CHD2: variants seen among roughly 807,000 people sequenced by gnomAD.
CHD2 encodes ATP-dependent chromatin remodeler CHD2.
In CHD2, 28 loss-of-function variants were observed where a neutral mutation model predicts 243.9. The observed-to-expected ratio is 0.11, with a 90% CI of 0.09 to 0.16. CHD2 has a LOEUF of 0.16. Among genes scored for constraint, CHD2 ranks in the 10% least tolerant of loss-of-function variants. The pLI is 1.00. For synonymous variants in CHD2, 775 were observed against 779.0 expected, an observed-to-expected ratio of 0.99 and a Z score of 0.09; for missense variants, 1,386 against 2,209.8, an observed-to-expected ratio of 0.63 and a Z score of 7.47.
At chr15:92,914,872 A>G (rs1008566032) in intron 2 of CHD2, 1 of 152,214 alleles carries the variant, frequency 6.6e-6, no homozygotes, top group African/African-American at 2.4e-5. Flanking sequence ...GGAAAACAAC[A>G]TAGTACAAAA....
chr15:93,019,761 C>G (rs1353136091), intron 37 of CHD2, among the ~76,000 whole-genome samples: 3 of 152,072 alleles, frequency 2.0e-5, no homozygotes, highest in Non-Finnish European at 4.4e-5. Context: ...TGGTGAAACC[C>G]TGTCTCTACT....
In CHD2 at chr15:93,020,069, C is replaced by A; in HGVS notation, c.4964C>A (p.Pro1655Gln). 6.2e-7 allele frequency: 1 copy of A among 1,614,080 alleles called. No individual in the cohort carries two copies. The highest frequency in any genetic ancestry group is 8.5e-7 in the Non-Finnish European group (1 of 1,180,020). The change falls in exon 38 of 39, where the codon CCA becomes CAA. Residue 1655 changes from proline to glutamine, a missense_variant. Pro to Gln is a moderately conservative substitution (Grantham distance 76). Coordinates refer to ENST00000394196, the MANE Select transcript of CHD2 (RefSeq NM_001271.4). ...AACTATGGTGGTGGCAACAACAATCCACCATGGGGAAGCGACAGGCACCAT... is the reference window on the plus strand; with the variant it reads ...AACTATGGTGGTGGCAACAACAATCAACCATGGGGAAGCGACAGGCACCAT... ...KFNYGGGNNN[P>Q]PWGSDRHHQY...
At position 92,999,214 on chromosome 15, in the gene CHD2, C is replaced by G. The variant is rs146238133; in HGVS notation, c.4008+593C>G. Among the ~76,000 whole-genome samples the G allele has an allele frequency of 8.2e-3, 1,250 of 152,002 alleles. 55 individuals carry two copies. The highest frequency in any genetic ancestry group is 0.07 in the Admixed American group (1,072 of 15,278). On this transcript the variant is annotated intron_variant, in intron 31 of 38. Transcript: ENST00000394196. ...TCCTCTGCTCCCCAGTCCCACTATTCCACACATACTGTTACTGTTTCTTTA... is the reference window on the plus strand; with the variant it reads ...TCCTCTGCTCCCCAGTCCCACTATTGCACACATACTGTTACTGTTTCTTTA...
intron 7 of CHD2, among the ~76,000 whole-genome samples, chr15:92,940,917 TATAC>T (rs1403921481): frequency 8.8e-6 from 1 of 113,898 alleles, no homozygotes; most frequent in African/African-American, 3.2e-5. Context: ...TATATATAAA[TATAC>T]ATATAAATAT....
intron 2 of CHD2, among the ~76,000 whole-genome samples, chr15:92,905,838 G>A (rs1198102524): frequency 6.6e-6 from 1 of 152,142 alleles, no homozygotes; most frequent in African/African-American, 2.4e-5. Flanking sequence ...CTTGATGAAC[G>A]TTTAACTGTA....
At chr15:93,000,428 G>A in intron 31 of CHD2, 84 bp from the exon 32 acceptor site, 2 of 1,345,780 alleles carry the variant, frequency 1.5e-6, no homozygotes, top group Admixed American at 5.2e-5. Context: ...GGCTGCTACT[G>A]CTTTAAAGAG....
chr15:92,979,019 A>T (rs1855731473), intron 21 of CHD2, 116 bp from the exon 22 acceptor site: 1 of 1,359,048 alleles, frequency 7.4e-7, no homozygotes, highest in Non-Finnish European at 1.0e-6. Context: ...TGGTTAGAGA[A>T]TAAATTCTGT....
In CHD2 at chr15:92,937,519, G is replaced by C. The variant is rs1295728962; in HGVS notation, c.445G>C (p.Glu149Gln). 1 of 1,601,590 alleles carries C rather than the reference G, an allele frequency of 6.2e-7. No individual in the cohort carries two copies. Among genetic ancestry groups the C allele is most frequent in the Non-Finnish European group, 8.5e-7 (1 of 1,175,078 alleles). The change falls in exon 6 of 39, where the codon GAA becomes CAA. Residue 149 changes from glutamate to glutamine, a missense_variant and splice_region_variant. Glu to Gln is a conservative substitution (Grantham distance 29). Around this residue, in one of 19 missense-constraint regions of CHD2, gnomAD observed 90 missense variants for 78.0 expected, o/e 1.15. Coordinates refer to ENST00000394196, the MANE Select transcript of CHD2 (RefSeq NM_001271.4). ...ACTTTGTTTTGCTTTTGATCACAGA[G>C]AAAAATGGAAACAGGAACCCTCAGA... ...RRGQRQLKKQEKWKQEPSEDE... is the reference protein window; with the variant it reads ...RRGQRQLKKQQKWKQEPSEDE...
chr15:92,922,319 T>C (rs1256731985), intron 2 of CHD2, among the ~76,000 whole-genome samples: 1 of 152,230 alleles, frequency 6.6e-6, no homozygotes, highest in Non-Finnish European at 1.5e-5. Context: ...TCCTTGGGAA[T>C]AAGCAAAATA....
At chr15:92,962,636 G>A (rs1384775426) in intron 16 of CHD2, among the ~76,000 whole-genome samples, 1 of 152,150 alleles carries the variant, frequency 6.6e-6, no homozygotes, top group Non-Finnish European at 1.5e-5. Context: ...TTTGAGTAGT[G>A]TTTTGTAAAT....
chr15:93,016,283 T>TA (rs2054459312), intron 37 of CHD2, among the ~76,000 whole-genome samples: 1 of 152,182 alleles, frequency 6.6e-6, no homozygotes, highest in African/African-American at 2.4e-5. Flanking sequence ...TATTCTCACT[T>TA]ACGTATGGAA....
Position 92,941,891 on chromosome 15 carries a change from T to C in CHD2, c.762T>C (p.Asp254=), listed in dbSNP as rs1417985447. 1.9e-6 allele frequency: 3 copies of C among 1,613,392 alleles called. No homozygotes were observed. The highest frequency in any genetic ancestry group is 2.5e-6 in the Non-Finnish European group (3 of 1,179,524). The change falls in exon 8 of 39, where the codon GAT becomes GAC. Residue 254 remains aspartate, a synonymous_variant. Coordinates refer to ENST00000394196, the MANE Select transcript of CHD2 (RefSeq NM_001271.4). ...DLIEMTGEGV[D]EQQDNSETIE... ...TTGAAATGACTGGAGAAGGAGTTGA[T>C]GAACAGCAAGATAATAGTGAAACTA...
At position 92,958,178 on chromosome 15, in the gene CHD2, C is replaced by G. The variant is rs76676391; in HGVS notation, c.2000+1529C>G. ...TTTATGTTTAACATTTTAGAAACTA[C>G]CACGCTGTTTTCTAAAGTGACTACC... On this transcript the variant is annotated intron_variant, in intron 16 of 38. Transcript: ENST00000394196. Among the ~76,000 whole-genome samples, 995 of 152,316 alleles carry G rather than the reference C, an allele frequency of 6.5e-3. 11 individuals are homozygous for G. The highest frequency in any genetic ancestry group is 0.023 in the African/African-American group (962 of 41,570).
chr15:92,963,065 C>A (rs1432350557), intron 16 of CHD2, among the ~76,000 whole-genome samples: 1 of 152,176 alleles, frequency 6.6e-6, no homozygotes. Flanking sequence ...TTACTTCTTT[C>A]TGTAAGTCTA....
At chr15:92,990,178 A>T (rs2054098386) in intron 26 of CHD2, among the ~76,000 whole-genome samples, 1 of 152,186 alleles carries the variant, frequency 6.6e-6, no homozygotes, top group Non-Finnish European at 1.5e-5. Context: ...AGGTCCAGTC[A>T]TTCTGGGGGA....
At chr15:93,009,382 G>A (rs980892205) in intron 35 of CHD2, 59 bp downstream of exon 35, 1 of 1,512,924 alleles carries the variant, frequency 6.6e-7, no homozygotes, top group Middle Eastern at 1.9e-4. Context: ...AGTGGATTCT[G>A]TTTTCTTTTA....
In CHD2 at chr15:93,027,400, G is replaced by C. The variant is rs986665581; in HGVS notation, c.*2695G>C. On this transcript the variant is annotated 3_prime_UTR_variant, in exon 39 of 39. Coordinates refer to ENST00000394196, the MANE Select transcript of CHD2 (RefSeq NM_001271.4). ...CATGATACACTATGGCCTTAGAAAA[G>C]GGCCAGGTGAAACCCCAAGCTAATC... is the stretch of plus-strand genomic sequence containing the variant. 5 of 152,228 alleles carry C rather than the reference G, an allele frequency of 3.3e-5. No individual in the cohort carries two copies. Among genetic ancestry groups the C allele is most frequent in the African/African-American group, 1.2e-4 (5 of 41,446 alleles). 9.4% of individuals were successfully genotyped at this position (152,228 alleles called of 1,614,324 possible).
rs74811379 is a variant in CHD2 at position 92,943,596 on chromosome 15, T to C, written c.1052+528T>C. 1,005 of 161,780 alleles carry C rather than the reference T, an allele frequency of 6.2e-3. 12 individuals carry two copies. The highest frequency in any genetic ancestry group is 0.023 in the African/African-American group (970 of 41,614). 10.0% of individuals were successfully genotyped at this position (161,780 alleles called of 1,614,324 possible). ...TGAAGGAAATTATTAGGTTAACTAC[T>C]GAAACTGTGATAGTCCTCGTGTGTT... On this transcript the variant is annotated intron_variant, in intron 9 of 38. Coordinates refer to ENST00000394196, the MANE Select transcript of CHD2 (RefSeq NM_001271.4).
At chr15:92,920,875 G>A (rs560702036) in intron 2 of CHD2, among the ~76,000 whole-genome samples, 2 of 152,240 alleles carry the variant, frequency 1.3e-5, no homozygotes, top group Non-Finnish European at 2.9e-5. Context: ...AAGGAGATAT[G>A]CTTAGTTTGC....
Sources: gnomAD v4.1 joint callset for allele counts (sites outside exome capture counted in the v4.1 genomes callset) on GRCh38, gnomAD v4.1.1 for gene constraint, gnomAD v4.1.1 regional missense constraint, MANE v1.5 for transcripts, NCBI Gene and HGNC (gene_info 2026-07-23, HGNC 2026-07-21) for gene names.